The following GPC6 variants were observed in gnomAD, a reference collection of about 807,000 sequenced individuals.
GPC6 encodes glypican-6.
Under a neutral mutation model 55.2 loss-of-function variants are expected in GPC6, and 14 were observed. The observed-to-expected ratio is 0.25, with a 90% CI of 0.17 to 0.40. The LOEUF (loss-of-function observed/expected upper bound fraction) is 0.40, where lower values mean the gene tolerates loss of function less well. Among genes scored for constraint, GPC6 ranks in the 10% least tolerant of loss-of-function variants. GPC6 has a pLI of 1.00. For missense variants in GPC6, 641 were observed against 708.5 expected (o/e 0.90, Z 1.08); for synonymous variants, 278 against 259.6 (o/e 1.07, Z -0.68).
rs755650644 is a variant in GPC6 at position 93,227,557 on chromosome 13, G to T, written c.101G>T (p.Arg34Leu). ...AAGGCTCGGAGCTGCGGAGAGGTCC[G>T]CCAGGCGTACGGTGCCAAGGGATTC... ...DVKARSCGEV[R>L]QAYGAKGFSL... The change falls in exon 1 of 9, where the codon CGC (arginine) becomes CTC (leucine). Residue 34 changes from arginine to leucine, a missense_variant. Physicochemically the swap from Arg to Leu is moderately radical, Grantham distance 102. Coordinates refer to ENST00000377047, the MANE Select transcript of GPC6 (RefSeq NM_005708.5). The surrounding 1 kb of genome is among the most constrained non-coding windows in gnomAD (Gnocchi z 4.3). The T allele has an allele frequency of 2.5e-6, 4 of 1,612,796 alleles. No homozygotes were observed. In the Admixed American group the frequency reaches 5.0e-5, roughly 20 times the overall value.
intron 3 of GPC6, among the ~76,000 whole-genome samples, chr13:93,993,529 C>A (rs1003501676): frequency 2.0e-5 from 3 of 152,018 alleles, no homozygotes; most frequent in Admixed American, 6.6e-5. Flanking sequence ...CTCCTGACCT[C>A]AAATGATCCA....
At chr13:94,010,800 G>A (rs1426824475) in intron 3 of GPC6, among the ~76,000 whole-genome samples, 1 of 152,084 alleles carries the variant, frequency 6.6e-6, no homozygotes, top group Non-Finnish European at 1.5e-5. Flanking sequence ...TGGCTTTATA[G>A]AATTCTTTTT....
chr13:94,085,173 T>C lies in GPC6; in HGVS notation c.877+57279T>C, dbSNP rs1157911881. Reference sequence around the variant, plus strand: ...CCTGTCTCTACTAAAAATACAAAAATTAGCCAAGCGTGGTGGTGTGTGCCT... The same window carrying C: ...CCTGTCTCTACTAAAAATACAAAAACTAGCCAAGCGTGGTGGTGTGTGCCT... On this transcript the variant is annotated intron_variant, in intron 4 of 8. Transcript: ENST00000377047. Among the ~76,000 whole-genome samples, 4 of 151,120 alleles carry C rather than the reference T, an allele frequency of 2.6e-5. No homozygotes were observed. The East Asian group carries it at 7.8e-4, about 29-fold the overall frequency.
At chr13:93,625,996 A>T (rs2139564135) in intron 2 of GPC6, among the ~76,000 whole-genome samples, 1 of 151,426 alleles carries the variant, frequency 6.6e-6, no homozygotes, top group East Asian at 1.9e-4. Flanking sequence ...GCTTGTTTAG[A>T]AAGCATGATT....
chr13:93,820,638 C>A (rs1594486147), intron 2 of GPC6, among the ~76,000 whole-genome samples: 1 of 148,764 alleles, frequency 6.7e-6, no homozygotes, highest in Admixed American at 6.7e-5. Context: ...ATTGTAATAA[C>A]AATAGTTTTT....
At position 93,878,766 on chromosome 13, in the gene GPC6, C is replaced by T. The variant is rs540515420; in HGVS notation, c.711+48221C>T. ...ACTGGGGCCCTCACCAGACACTGAA[C>T]CTGCTGGTATTTTGAACTTGGACTA... On this transcript the variant is annotated intron_variant, in intron 3 of 8. Coordinates refer to ENST00000377047, the MANE Select transcript of GPC6 (RefSeq NM_005708.5). Among the ~76,000 whole-genome samples the T allele has an allele frequency of 4.5e-4, 69 of 152,194 alleles. 1 individual carries two copies. The South Asian group carries it at 0.014, about 31-fold the overall frequency.
intron 3 of GPC6, among the ~76,000 whole-genome samples, chr13:93,941,523 A>G (rs1237936165): frequency 6.6e-6 from 1 of 152,198 alleles, no homozygotes; most frequent in Non-Finnish European, 1.5e-5. Context: ...ACTGCTCCCA[A>G]GATAAACTTT....
intron 1 of GPC6, among the ~76,000 whole-genome samples, chr13:93,367,005 A>G (rs1881276020): frequency 6.6e-6 from 1 of 152,072 alleles, no homozygotes; most frequent in Non-Finnish European, 1.5e-5. Flanking sequence ...AATGCTGGGA[A>G]TGTGCTGGTG....
chr13:94,052,281 A>G (rs893721108), intron 4 of GPC6, among the ~76,000 whole-genome samples: 1 of 152,222 alleles, frequency 6.6e-6, no homozygotes, highest in Non-Finnish European at 1.5e-5. Context: ...GTCATGCATT[A>G]TAAGCAGAGA....
intron 2 of GPC6, among the ~76,000 whole-genome samples, chr13:93,554,074 G>A (rs4641605): frequency 6.6e-6 from 1 of 151,028 alleles, no homozygotes; most frequent in African/African-American, 2.4e-5. Flanking sequence ...CTTGAACCCA[G>A]AAGATGGAGG....
chr13:93,408,728 C>G (rs1366832919), intron 1 of GPC6, among the ~76,000 whole-genome samples: 1 of 151,996 alleles, frequency 6.6e-6, no homozygotes, highest in Non-Finnish European at 1.5e-5. Flanking sequence ...CTGGCTCTGG[C>G]AAAGCACTGC....
chr13:93,800,145 G>A (rs983496259), intron 2 of GPC6, among the ~76,000 whole-genome samples: 1 of 152,108 alleles, frequency 6.6e-6, no homozygotes, highest in African/African-American at 2.4e-5. Flanking sequence ...TACTAGAAAG[G>A]CCTCTCTTAC....
At chr13:94,382,243 G>A (rs981892761) in intron 6 of GPC6, among the ~76,000 whole-genome samples, 171 bp from the exon 7 acceptor site, 3 of 152,166 alleles carry the variant, frequency 2.0e-5, no homozygotes. Flanking sequence ...GAGGAAAGGA[G>A]GCTTTCCCGG....
intron 2 of GPC6, among the ~76,000 whole-genome samples, chr13:93,613,521 C>A (rs1594311959): frequency 7.3e-6 from 1 of 137,792 alleles, no homozygotes; most frequent in Admixed American, 7.9e-5. Context: ...CACACACACA[C>A]ACACACAAAA....
chr13:93,683,416 G>T (rs1444240485), intron 2 of GPC6, among the ~76,000 whole-genome samples: 1 of 151,960 alleles, frequency 6.6e-6, no homozygotes, highest in Non-Finnish European at 1.5e-5. Flanking sequence ...GAATAAGGAT[G>T]AATCATTTTA....
At chr13:94,328,652 T>C (rs986716445) in intron 6 of GPC6, among the ~76,000 whole-genome samples, 1 of 152,224 alleles carries the variant, frequency 6.6e-6, no homozygotes, top group Non-Finnish European at 1.5e-5. Flanking sequence ...TAGGAAGCAA[T>C]TGTATATAAA....
intron 3 of GPC6, among the ~76,000 whole-genome samples, chr13:93,882,254 A>T (rs1463330015): frequency 6.6e-6 from 1 of 151,884 alleles, no homozygotes; most frequent in Non-Finnish European, 1.5e-5. Flanking sequence ...TTCCAGACTC[A>T]AGGGACCTCA....
chr13:94,339,317 G>A (rs552501419), intron 6 of GPC6, among the ~76,000 whole-genome samples: 23 of 152,168 alleles, frequency 1.5e-4, no homozygotes, highest in Non-Finnish European at 2.6e-4. Flanking sequence ...GCCTGCCTCC[G>A]CCTCCCAAAG....
intron 2 of GPC6, among the ~76,000 whole-genome samples, chr13:93,745,835 G>T (rs1422834356): frequency 1.3e-5 from 2 of 152,110 alleles, no homozygotes; most frequent in African/African-American, 4.8e-5. Context: ...AGTTATTTTT[G>T]AGACGAAACT....
Sources: allele counts gnomAD v4.1 joint callset (sites outside exome capture counted in the v4.1 genomes callset), GRCh38; gene constraint gnomAD v4.1.1; non-coding constraint Gnocchi (gnomAD v3.1); transcripts MANE v1.5; gene names NCBI Gene and HGNC (gene_info 2026-07-23, HGNC 2026-07-21).